Variants in PCSK6 observed in about 807,000 individuals in gnomAD.
The protein encoded by PCSK6 is paired basic amino acid cleaving enzyme 4.
A neutral mutation model predicts 123.3 loss-of-function variants in PCSK6; 85 were observed. That is an observed-to-expected ratio of 0.69 (90% confidence interval 0.58 to 0.83). The LOEUF is 0.83. Ranked by LOEUF, PCSK6 falls within the 40% of genes least tolerant of loss-of-function variation. The probability of loss-of-function intolerance (pLI) is 0.00; values close to 1 mark genes in which losing one functional copy is unlikely to be tolerated. For synonymous variants in PCSK6, 508 were observed against 516.0 expected (o/e 0.98, Z 0.21); for missense variants, 1,191 against 1,282.3 (o/e 0.93, Z 1.09).
intron 12 of PCSK6, 132 bp from the exon 13 acceptor site, chr15:101,366,464 T>C: frequency 1.2e-6 from 1 of 850,932 alleles, no homozygotes; most frequent in South Asian, 2.0e-5. Context: ...AGCGGGGGTC[T>C]GGCCCCAGCC....
At position 101,403,276 on chromosome 15, in the gene PCSK6, TG is replaced by T. The variant is rs1173238801; in HGVS notation, c.824-4701del. Among the ~76,000 whole-genome samples, 279 of 53,324 alleles carry T rather than the reference TG, an allele frequency of 5.2e-3. 2 individuals carry two copies. Among genetic ancestry groups the T allele is most frequent in the Middle Eastern group, 0.025 (1 of 40 alleles). The allele number at this position is 53,324 out of a possible 152,430, so 35.0% of individuals were successfully genotyped here. On this transcript the variant is annotated intron_variant, in intron 6 of 21. Transcript: ENST00000611716. Reference sequence around the variant, plus strand: ...TCACACTCTGGGGACTGTTGTGGGGTGGGGGGAGGGGGGAGGGATAGCATTA... The same window carrying T: ...TCACACTCTGGGGACTGTTGTGGGGTGGGGGAGGGGGGAGGGATAGCATTA...
chr15:101,476,235 C>T (rs1290487510), intron 1 of PCSK6, among the ~76,000 whole-genome samples: 3 of 152,130 alleles, frequency 2.0e-5, no homozygotes, highest in African/African-American at 7.2e-5. Context: ...CAGTAAGGGC[C>T]AGCAATCACC....
At chr15:101,327,899 C>A (rs1277600131) in intron 15 of PCSK6, among the ~76,000 whole-genome samples, 1 of 152,174 alleles carries the variant, frequency 6.6e-6, no homozygotes, top group African/African-American at 2.4e-5. Context: ...ACTCTAGATG[C>A]TGTTCCTGGG....
In PCSK6 at chr15:101,331,835, T is replaced by C. The variant is rs753046835; in HGVS notation, c.2038+17A>G. ...CTCGTGGAAGCTGGCCGTCTCCTCTTACTTCAGGCTCATTACCTGTGTAAT... is the reference window on the plus strand; with the variant it reads ...CTCGTGGAAGCTGGCCGTCTCCTCTCACTTCAGGCTCATTACCTGTGTAAT... On this transcript the variant is annotated intron_variant, in intron 14 of 21. Transcript: ENST00000611716. 7.4e-6 allele frequency: 12 copies of C among 1,611,538 alleles called. No individual in the cohort carries two copies. The highest frequency in any genetic ancestry group is 9.3e-6 in the Non-Finnish European group (11 of 1,178,156).
intron 10 of PCSK6, among the ~76,000 whole-genome samples, chr15:101,383,520 T>C (rs950579863): frequency 1.3e-5 from 2 of 151,696 alleles, no homozygotes; most frequent in African/African-American, 4.8e-5. Flanking sequence ...GCCCTGACCC[T>C]GGGTTGATTT....
At chr15:101,389,401 CAT>C (rs2042159564) in intron 9 of PCSK6, 61 bp downstream of exon 9, 8 of 1,314,984 alleles carry the variant, frequency 6.1e-6, no homozygotes, top group Non-Finnish European at 6.6e-6. Context: ...TGGCCAATGT[CAT>C]GTGTATTTTA....
chr15:101,304,006 G>C lies in PCSK6; in HGVS notation c.*1252C>G, dbSNP rs111381252. The C allele has an allele frequency of 0.035, 5,340 of 152,610 alleles. 110 individuals are homozygous for C. The highest frequency in any genetic ancestry group is 0.095 in the Middle Eastern group (28 of 294). The allele number at this position is 152,610 out of a possible 1,614,324, so 9.5% of individuals were successfully genotyped here. ...CATTGATTTCTCTTTCAGAGTTGTA[G>C]ATTCAATAAACAACATCTGGGTTCT... On this transcript the variant is annotated 3_prime_UTR_variant, in exon 22 of 22. Coordinates refer to ENST00000611716, the MANE Select transcript of PCSK6 (RefSeq NM_002570.5).
chr15:101,322,684 G>T (rs999059900), intron 17 of PCSK6, 77 bp from the exon 18 acceptor site: 65 of 901,334 alleles, frequency 7.2e-5, no homozygotes, highest in Admixed American at 4.3e-4. Flanking sequence ...CAGGCCCCCG[G>T]CATTTCAAAG....
At position 101,370,512 on chromosome 15, in the gene PCSK6, A is replaced by G. The variant is rs1350620816; in HGVS notation, c.1544T>C (p.Leu515Ser). Residue 515 changes from leucine (L) to serine (S), a missense_variant, in exon 12 of 22, where the codon TTA (leucine) becomes TCA (serine). This residue lies in a region of PCSK6 where 630 missense variants were observed against 631.4 expected (regional missense o/e 1.00). Coordinates refer to ENST00000611716, the MANE Select transcript of PCSK6 (RefSeq NM_002570.5). ...ASDKRPRSIP[L>S]VQVLRTTALT... is the part of the protein sequence containing the mutation. ...GGCCGTAGTCCGCAGCACCTGCACTAAGGGGATGCTCCTGGGGGAGAAGGG... is the reference window on the plus strand; with the variant it reads ...GGCCGTAGTCCGCAGCACCTGCACTGAGGGGATGCTCCTGGGGGAGAAGGG... 5.3e-6 allele frequency: 8 copies of G among 1,503,138 alleles called. No homozygotes were observed. Among genetic ancestry groups the G allele is most frequent in the Non-Finnish European group, 7.2e-6 (8 of 1,118,814 alleles). 93.1% of individuals were successfully genotyped at this position (1,503,138 alleles called of 1,614,324 possible). A position where few individuals can be genotyped will look rare whatever the true frequency, so the allele number is the denominator to read the frequency against.
chr15:101,402,359 G>A (rs1234981340), intron 6 of PCSK6, among the ~76,000 whole-genome samples: 1 of 149,782 alleles, frequency 6.7e-6, no homozygotes, highest in Non-Finnish European at 1.5e-5. Flanking sequence ...CATAGGCATG[G>A]GCAAGGACTT....
At chr15:101,412,914 G>A (rs12916441) in intron 6 of PCSK6, among the ~76,000 whole-genome samples, 10,746 of 151,396 alleles carry the variant, frequency 0.071, 493 homozygotes, top group East Asian at 0.17. Context: ...CTTGTGCCCA[G>A]GAGTTCGAGG....
chr15:101,414,164 A>G (rs950271324), intron 6 of PCSK6, among the ~76,000 whole-genome samples: 7 of 152,200 alleles, frequency 4.6e-5, no homozygotes, highest in East Asian at 1.9e-4. Context: ...ATGAGTGAAA[A>G]TTATCTTGAA....
At chr15:101,384,825 C>T (rs540216190) in intron 9 of PCSK6, among the ~76,000 whole-genome samples, 10 of 152,328 alleles carry the variant, frequency 6.6e-5, no homozygotes, top group East Asian at 5.8e-4. Context: ...ATTCAAACCA[C>T]GATTGGCCGA....
chr15:101,418,192 T>C (rs2055956575), intron 6 of PCSK6, among the ~76,000 whole-genome samples: 1 of 152,194 alleles, frequency 6.6e-6, no homozygotes, highest in Non-Finnish European at 1.5e-5. Flanking sequence ...ATAGGTCTAG[T>C]CCTTTTGAAA....
At chr15:101,482,010 G>A (rs1043320437) in intron 1 of PCSK6, among the ~76,000 whole-genome samples, 1 of 152,228 alleles carries the variant, frequency 6.6e-6, no homozygotes, top group Non-Finnish European at 1.5e-5. Context: ...ACACGCATGT[G>A]CACGCACCCG....
intron 18 of PCSK6, among the ~76,000 whole-genome samples, chr15:101,320,915 C>T (rs1042095485): frequency 1.3e-4 from 20 of 152,264 alleles, no homozygotes; most frequent in East Asian, 5.8e-4. Context: ...GCGGGGCTAC[C>T]GACAGGAGGC....
intron 1 of PCSK6, among the ~76,000 whole-genome samples, chr15:101,478,353 G>T (rs1365731353): frequency 3.3e-5 from 5 of 152,144 alleles, no homozygotes; most frequent in African/African-American, 1.2e-4. Flanking sequence ...CGAGGACCCA[G>T]TTGCTATTCT....
chr15:101,437,855 AC>A (rs906126586), intron 2 of PCSK6, among the ~76,000 whole-genome samples: 1 of 152,118 alleles, frequency 6.6e-6, no homozygotes, highest in Non-Finnish European at 1.5e-5. Context: ...TGACCTGTGA[AC>A]CCCTAAATTC....
chr15:101,470,047 G>A (rs2057567843), intron 1 of PCSK6, among the ~76,000 whole-genome samples: 1 of 152,126 alleles, frequency 6.6e-6, no homozygotes, highest in African/African-American at 2.4e-5. Flanking sequence ...TGTTGGAGGT[G>A]CTTCTAACTG....
Sources: allele counts gnomAD v4.1 joint callset (sites outside exome capture counted in the v4.1 genomes callset), GRCh38; gene constraint gnomAD v4.1.1; regional missense constraint gnomAD v4.1.1; transcripts MANE v1.5; gene names NCBI Gene and HGNC (gene_info 2026-07-23, HGNC 2026-07-21).